ZFYVE28: variants seen among roughly 807,000 people sequenced by gnomAD.
ZFYVE28 encodes the protein lateral signaling target protein 2 homolog.
ZFYVE28 carries 40 observed loss-of-function variants against 82.1 expected under a neutral mutation model. The ratio of observed to expected loss-of-function variants is 0.49; its 90% confidence interval spans 0.38 to 0.63. The LOEUF (loss-of-function observed/expected upper bound fraction) is 0.63, where lower values mean the gene tolerates loss of function less well. Ranked by LOEUF, ZFYVE28 falls within the 30% of genes least tolerant of loss-of-function variation. The pLI is 0.00. For missense variants in ZFYVE28, 1,321 were observed against 1,242.1 expected, an observed-to-expected ratio of 1.06 and a Z score of -0.96; for synonymous variants, 612 against 546.1, an observed-to-expected ratio of 1.12 and a Z score of -1.68.
chr4:2,345,805 G>A (rs1296253261), intron 2 of ZFYVE28, among the ~76,000 whole-genome samples: 1 of 151,856 alleles, frequency 6.6e-6, no homozygotes, highest in Non-Finnish European at 1.5e-5. Flanking sequence ...GAAAAAAGAT[G>A]TGTTACATAC....
In ZFYVE28 at chr4:2,372,919, C is replaced by A. The variant is rs3135459; in HGVS notation, c.40-18846G>T. On this transcript the variant is annotated intron_variant, in intron 1 of 12. Transcript: ENST00000290974. This position sits in a 1 kb window ranked among gnomAD's most constrained non-coding sequence, Gnocchi z 5.2. ...AGCCTCTCTGCCAGCCAACCTTGGA[C>A]GACTAGGGAGGGAAAAACCACCGCA... Among the ~76,000 whole-genome samples the A allele has an allele frequency of 2.0e-5, 3 of 151,752 alleles. No homozygotes were observed. Among genetic ancestry groups the A allele is most frequent in the Admixed American group, 2.0e-4 (3 of 15,258 alleles).
At chr4:2,351,173 G>A (rs1274997888) in intron 2 of ZFYVE28, among the ~76,000 whole-genome samples, 2 of 152,032 alleles carry the variant, frequency 1.3e-5, no homozygotes, top group African/African-American at 4.8e-5. Context: ...ACTCCGGGTG[G>A]ACAGTGTCAA....
rs150269861 is a variant in ZFYVE28, at chr4:2,347,332, C to T, written c.181-5717G>A. Among the ~76,000 whole-genome samples, 273 of 152,290 alleles carry T rather than the reference C, an allele frequency of 1.8e-3. 1 individual carries two copies. Among genetic ancestry groups the T allele is most frequent in the African/African-American group, 6.2e-3 (257 of 41,560 alleles). ...CAATTATGGTCAGAAACTTCAGTAC[C>T]TTTCTCCACTGATAAGACATAGAAA... On this transcript the variant is annotated intron_variant, in intron 2 of 12. Transcript: ENST00000290974.
At chr4:2,275,299 C>T (rs976140045) in intron 8 of ZFYVE28, among the ~76,000 whole-genome samples, 18 of 152,196 alleles carry the variant, frequency 1.2e-4, no homozygotes, top group African/African-American at 3.9e-4. Flanking sequence ...GTACTAACTC[C>T]GGAGGTTCAC....
At chr4:2,365,087 C>T (rs1726707388) in intron 1 of ZFYVE28, among the ~76,000 whole-genome samples, 2 of 151,620 alleles carry the variant, frequency 1.3e-5, no homozygotes, top group Non-Finnish European at 2.9e-5. Context: ...CTGGGCCACC[C>T]CGCAGGCAGT....
chr4:2,326,552 G>A (rs1195338089), intron 6 of ZFYVE28, among the ~76,000 whole-genome samples: 3 of 151,268 alleles, frequency 2.0e-5, no homozygotes, highest in Non-Finnish European at 4.4e-5. Context: ...ATGAATTATA[G>A]GATTTTTTTC....
At chr4:2,340,085 A>C (rs1490146493) in intron 3 of ZFYVE28, among the ~76,000 whole-genome samples, 1 of 152,104 alleles carries the variant, frequency 6.6e-6, no homozygotes, top group Non-Finnish European at 1.5e-5. Flanking sequence ...CAGGCTCCAC[A>C]ATCAGGTCTG....
chr4:2,283,564 AACCG>A (rs765812717), intron 8 of ZFYVE28, among the ~76,000 whole-genome samples: 7 of 147,894 alleles, frequency 4.7e-5, no homozygotes, highest in African/African-American at 1.5e-4. Context: ...CCAACCATCC[AACCG>A]TCCATCCACC....
intron 6 of ZFYVE28, among the ~76,000 whole-genome samples, chr4:2,324,061 CTG>C (rs1217824048): frequency 6.6e-6 from 1 of 152,162 alleles, no homozygotes; most frequent in Non-Finnish European, 1.5e-5. Context: ...GATTTACCCT[CTG>C]TATCAAAGTT....
At chr4:2,398,400 G>A (rs1013333069) in intron 1 of ZFYVE28, among the ~76,000 whole-genome samples, 3 of 152,218 alleles carry the variant, frequency 2.0e-5, no homozygotes, top group Admixed American at 1.3e-4. Context: ...GTGGCAGCTC[G>A]AGAGATGGCA....
intron 8 of ZFYVE28, among the ~76,000 whole-genome samples, chr4:2,303,506 G>T (rs990935714): frequency 6.6e-6 from 1 of 152,168 alleles, no homozygotes; most frequent in Admixed American, 6.5e-5. Flanking sequence ...CTATAGACAC[G>T]GCCACAGCCA....
chr4:2,349,552 A>G (rs964633626), intron 2 of ZFYVE28, among the ~76,000 whole-genome samples: 1 of 152,210 alleles, frequency 6.6e-6, no homozygotes, highest in Non-Finnish European at 1.5e-5. Flanking sequence ...AATGTAAATG[A>G]ATCAGCCAAG....
intron 1 of ZFYVE28, among the ~76,000 whole-genome samples, chr4:2,374,204 G>C (rs111568609): frequency 1.3e-5 from 2 of 152,192 alleles, no homozygotes; most frequent in African/African-American, 4.8e-5. Flanking sequence ...CAGAGTGCAA[G>C]TACACGGAAA....
chr4:2,354,546 C>T (rs1425500534), intron 1 of ZFYVE28, among the ~76,000 whole-genome samples: 1 of 151,598 alleles, frequency 6.6e-6, no homozygotes. Flanking sequence ...GCAACCTCCG[C>T]CTCCTGGGTT....
In ZFYVE28 at chr4:2,270,834, G is replaced by C. The variant is rs1367189870; in HGVS notation, c.2555C>G (p.Ser852Trp). 3 of 1,612,954 alleles carry C rather than the reference G, an allele frequency of 1.9e-6. No individual in the cohort carries two copies. The highest frequency in any genetic ancestry group is 2.5e-6 in the Non-Finnish European group (3 of 1,179,932). The stretch of plus-strand genomic sequence containing the variant: ...GTAGCGGGGCAGCGGTGCTGAGTGC[G>C]AGGAGCAGCGCGAGCAGAAGATCTG... The part of the protein sequence containing the change: ...CGKIFCSRCS[S>W]HSAPLPRYGQ... Residue 852 changes from serine (S) to tryptophan (W), a missense_variant, in exon 13 of 13, where the codon TCG (serine) becomes TGG (tryptophan). Transcript: ENST00000290974.
rs1050839349 is a variant in ZFYVE28, at chr4:2,333,975, C to T, written c.701+1730G>A. Among the ~76,000 whole-genome samples, 7 of 152,268 alleles carry T rather than the reference C, an allele frequency of 4.6e-5. No homozygotes were observed. The East Asian group carries it at 5.8e-4, about 13-fold the overall frequency. ...TCTGTGCTCTGGGGTGGCCTCTCCC[C>T]GCCAGGACACTTCCCTCCAAGCCAC... is the stretch of plus-strand genomic sequence containing the variant. On this transcript the variant is annotated intron_variant, in intron 6 of 12. Coordinates refer to ENST00000290974, the MANE Select transcript of ZFYVE28 (RefSeq NM_020972.3).
At chr4:2,383,072 C>G (rs907497524) in intron 1 of ZFYVE28, among the ~76,000 whole-genome samples, 1 of 152,164 alleles carries the variant, frequency 6.6e-6, no homozygotes, top group African/African-American at 2.4e-5. Flanking sequence ...CAAGTTGCGA[C>G]TTTGGCGGGG....
chr4:2,327,701 T>C (rs796308523), intron 6 of ZFYVE28, among the ~76,000 whole-genome samples: 3 of 152,348 alleles, frequency 2.0e-5, no homozygotes, highest in African/African-American at 7.2e-5. Flanking sequence ...GATGATCATA[T>C]GGTTTTTTTA....
At chr4:2,327,560 C>A (rs1720074643) in intron 6 of ZFYVE28, among the ~76,000 whole-genome samples, 1 of 151,560 alleles carries the variant, frequency 6.6e-6, no homozygotes, top group African/African-American at 2.4e-5. Context: ...CACATTCTTT[C>A]TTTTTTTCTG....
Sources: allele counts gnomAD v4.1 joint callset (sites outside exome capture counted in the v4.1 genomes callset), GRCh38; gene constraint gnomAD v4.1.1; non-coding constraint Gnocchi (gnomAD v3.1); transcripts MANE v1.5; gene names NCBI Gene and HGNC (gene_info 2026-07-23, HGNC 2026-07-21).